NEMF: variants seen among roughly 807,000 people sequenced by gnomAD.
The protein encoded by NEMF is nuclear export mediator factor, also known as ribosome quality control complex subunit NEMF.
NEMF carries 89 observed loss-of-function variants against 162.2 expected under a neutral mutation model. The observed-to-expected ratio is 0.55, with a 90% confidence interval of 0.46 to 0.65. NEMF has a LOEUF of 0.65. NEMF is among the 30% of genes least tolerant of loss of function. The pLI is 0.00. For synonymous variants in NEMF, 421 were observed against 404.5 expected, an observed-to-expected ratio of 1.04 and a Z score of -0.49; for missense variants, 1,133 against 1,261.9, an observed-to-expected ratio of 0.90 and a Z score of 1.55.
chr14:49,832,288 GCAACATTAAAAT>G lies in NEMF; in HGVS notation c.736-23_736-12del. ...CTGAATGATATATCCCTACAAAAATGCAACATTAAAATCATTCCTATTCATAATTAACAAAGA... is the reference window on the plus strand; with the variant it reads ...CTGAATGATATATCCCTACAAAAATGCATTCCTATTCATAATTAACAAAGA... On this transcript the variant is annotated splice_polypyrimidine_tract_variant and intron_variant, in intron 8 of 32. Coordinates refer to ENST00000298310, the MANE Select transcript of NEMF (RefSeq NM_004713.6). The G allele has an allele frequency of 6.5e-7, 1 of 1,530,462 alleles. No homozygotes were observed. The highest frequency in any genetic ancestry group is 2.3e-5 in the East Asian group (1 of 44,350). The allele number at this position is 1,530,462 out of a possible 1,614,324, so 94.8% of individuals were successfully genotyped here. A position where few individuals can be genotyped will look rare whatever the true frequency, so the allele number is the denominator to read the frequency against.
intron 6 of NEMF, among the ~76,000 whole-genome samples, chr14:49,835,174 T>C (rs973745385): frequency 7.8e-5 from 11 of 140,942 alleles, no homozygotes; most frequent in African/African-American, 2.7e-4. Context: ...CACTGCAGCC[T>C]GGGCAACAAG....
chr14:49,836,345 A>T (rs572731174), intron 6 of NEMF, among the ~76,000 whole-genome samples: 1 of 152,010 alleles, frequency 6.6e-6, no homozygotes, highest in East Asian at 1.9e-4. Flanking sequence ...TAACAAGTCA[A>T]CTCTAAATTT....
chr14:49,840,779 C>G lies in NEMF; in HGVS notation c.445G>C (p.Val149Leu). ...TGATCAAGTGGATAGCGTTCACGAA[C>G]AGCAAATTTAACATCATCTGCCTCA... ...TDEADDVKFAVRERYPLDHAR... is the reference protein window; with the variant it reads ...TDEADDVKFALRERYPLDHAR... The change falls in exon 5 of 33, where the codon GTT becomes CTT. Residue 149 changes from valine to leucine, a missense_variant. Transcript: ENST00000298310. The G allele has an allele frequency of 6.2e-7, 1 of 1,613,998 alleles. No individual in the cohort carries two copies. Among genetic ancestry groups the G allele is most frequent in the South Asian group, 1.1e-5 (1 of 91,078 alleles).
chr14:49,834,470 A>G (rs1225155632), intron 6 of NEMF, 21 bp from the exon 7 acceptor site: 1 of 1,434,386 alleles, frequency 7.0e-7, no homozygotes, highest in African/African-American at 1.4e-5. Flanking sequence ...AGAGGATATT[A>G]CTTTTAGTAT....
At chr14:49,850,165 C>T (rs528095038) in intron 3 of NEMF, among the ~76,000 whole-genome samples, 6 of 151,946 alleles carry the variant, frequency 3.9e-5, no homozygotes, top group African/African-American at 1.2e-4. Context: ...TGAAACAGTG[C>T]GAACTCAGCT....
At chr14:49,790,278 C>T (rs1175522682) in intron 26 of NEMF, among the ~76,000 whole-genome samples, 5 of 152,210 alleles carry the variant, frequency 3.3e-5, no homozygotes, top group African/African-American at 9.6e-5. Context: ...GTGTGAAAAA[C>T]GCTTGCAATA....
intron 26 of NEMF, among the ~76,000 whole-genome samples, chr14:49,791,098 G>T (rs1890421073): frequency 6.6e-6 from 1 of 151,704 alleles, no homozygotes; most frequent in South Asian, 2.1e-4. Flanking sequence ...CACTTTGGGT[G>T]GCCGAGGCGG....
chr14:49,793,201 C>CA lies in NEMF; in HGVS notation c.2619+2589dup, dbSNP rs930116860. Among the ~76,000 whole-genome samples the CA allele has an allele frequency of 2.2e-4, 33 of 147,778 alleles. 1 individual carries two copies. The highest frequency in any genetic ancestry group is 3.5e-4 in the African/African-American group (14 of 40,098). On this transcript the variant is annotated intron_variant, in intron 26 of 32. Coordinates refer to ENST00000298310, the MANE Select transcript of NEMF (RefSeq NM_004713.6). ...TTATATTTTTGCTTTTCAGTCACTG[C>CA]AAAAAAAAACATGGGGAAAATAAAA...
At chr14:49,826,967 C>G (rs1050122015) in intron 15 of NEMF, among the ~76,000 whole-genome samples, 10 of 152,080 alleles carry the variant, frequency 6.6e-5, no homozygotes, top group African/African-American at 1.4e-4. Flanking sequence ...GTAGAGAGAA[C>G]AGCAAGGGCA....
At chr14:49,848,291 A>T (rs1281670328) in intron 3 of NEMF, among the ~76,000 whole-genome samples, 1 of 152,070 alleles carries the variant, frequency 6.6e-6, no homozygotes, top group Non-Finnish European at 1.5e-5. Context: ...CCTTCCTCCT[A>T]TCCCTGGCCA....
At chr14:49,832,363 G>A (rs1892688201) in intron 8 of NEMF, 86 bp from the exon 9 acceptor site, 13 of 891,486 alleles carry the variant, frequency 1.5e-5, no homozygotes, top group South Asian at 8.2e-5. Flanking sequence ...AGTCGCGCTC[G>A]CTCCATCACC....
At chr14:49,809,489 A>G (rs1352914120) in intron 18 of NEMF, among the ~76,000 whole-genome samples, 3 of 152,190 alleles carry the variant, frequency 2.0e-5, no homozygotes, top group Non-Finnish European at 2.9e-5. Flanking sequence ...TTTTAGCACA[A>G]CCAAACTAAA....
chr14:49,805,598 G>T (rs2139871967), intron 19 of NEMF, among the ~76,000 whole-genome samples: 1 of 151,908 alleles, frequency 6.6e-6, no homozygotes, highest in African/African-American at 2.4e-5. Flanking sequence ...AAACAAACAG[G>T]ATATGCCTAC....
intron 4 of NEMF, among the ~76,000 whole-genome samples, chr14:49,845,688 T>C (rs1893465284): frequency 1.3e-5 from 2 of 152,212 alleles, no homozygotes; most frequent in South Asian, 4.1e-4. Flanking sequence ...CACACCAGCC[T>C]AGGCCTACAC....
chr14:49,832,384 T>G (rs1419295837), intron 8 of NEMF, 107 bp from the exon 9 acceptor site: 1 of 728,038 alleles, frequency 1.4e-6, no homozygotes, highest in Admixed American at 2.7e-5. Context: ...CAGGCTGGAG[T>G]GCAGTGGTAT....
chr14:49,846,839 A>C (rs1257051434), intron 3 of NEMF, among the ~76,000 whole-genome samples: 1 of 152,182 alleles, frequency 6.6e-6, no homozygotes, highest in African/African-American at 2.4e-5. Context: ...CCACTGCTAA[A>C]TTCCTTGTTG....
chr14:49,803,328 TA>T (rs1221888232), intron 19 of NEMF, 34 bp from the exon 20 acceptor site: 2 of 1,435,986 alleles, frequency 1.4e-6, no homozygotes, highest in Non-Finnish European at 1.9e-6. Flanking sequence ...TATTCTTATT[TA>T]AAAAAATACT....
In NEMF at chr14:49,786,722, T is replaced by A. The variant is rs763130474; in HGVS notation, c.2924A>T (p.Asn975Ile). ...AACCCCAACATAAAATCATACCTCA[T>A]TTCCCTGTTGATCCAGATCTTGCTC... is the stretch of plus-strand genomic sequence containing the variant. ...KEEQDLDQQG[N>I]EENLFDSLTG... Residue 975 changes from asparagine (N) to isoleucine (I), a missense_variant, in exon 29 of 33, where the codon AAT (asparagine) becomes ATT (isoleucine). Coordinates refer to ENST00000298310, the MANE Select transcript of NEMF (RefSeq NM_004713.6). 2.5e-5 allele frequency: 40 copies of A among 1,612,868 alleles called. No individual in the cohort carries two copies. In the South Asian group the frequency reaches 3.1e-4, roughly 12 times the overall value.
At chr14:49,803,607 C>A (rs1891052948) in intron 19 of NEMF, among the ~76,000 whole-genome samples, 1 of 151,638 alleles carries the variant, frequency 6.6e-6, no homozygotes, top group South Asian at 2.1e-4. Flanking sequence ...CTCACTGTAA[C>A]CTCCACCTCC....
Sources: allele counts gnomAD v4.1 joint callset (sites outside exome capture counted in the v4.1 genomes callset), GRCh38; gene constraint gnomAD v4.1.1; transcripts MANE v1.5; gene names NCBI Gene and HGNC (gene_info 2026-07-23, HGNC 2026-07-21).